DNAH17: variants seen among roughly 807,000 people sequenced by gnomAD.
DNAH17 encodes the protein axonemal beta dynein heavy chain 17.
A neutral mutation model predicts 485.6 loss-of-function variants in DNAH17; 376 were observed. The ratio of observed to expected loss-of-function variants is 0.77; its 90% confidence interval spans 0.71 to 0.84. The LOEUF is 0.84. Ranked by LOEUF, DNAH17 falls within the 40% of genes least tolerant of loss-of-function variation. The pLI is 0.00. For synonymous variants in DNAH17, 3,031 were observed against 2,405.9 expected, an observed-to-expected ratio of 1.26 and a Z score of -7.60; for missense variants, 6,370 against 5,839.3, an observed-to-expected ratio of 1.09 and a Z score of -2.96.
chr17:78,424,942 T>A (rs918299247), intron 80 of DNAH17: 9 of 163,792 alleles, frequency 5.5e-5, no homozygotes, highest in Non-Finnish European at 6.7e-5. Context: ...GGGGAGTGGG[T>A]GAGACTGGGC....
At chr17:78,498,940 G>T in intron 37 of DNAH17, 68 bp downstream of exon 37, 2 of 1,246,570 alleles carry the variant, frequency 1.6e-6, no homozygotes, top group Non-Finnish European at 2.2e-6. Context: ...TCTGGCGTGT[G>T]AGGTCACAGG....
intron 36 of DNAH17, 55 bp downstream of exon 36, chr17:78,500,250 A>T (rs773795120): frequency 1.3e-6 from 2 of 1,544,188 alleles, no homozygotes; most frequent in Middle Eastern, 1.7e-4. Flanking sequence ...GGGTGCTAGG[A>T]TCTGCTTCTA....
In DNAH17 at chr17:78,574,704, C is replaced by G. The variant is rs183559801; in HGVS notation, c.345+9G>C. On this transcript the variant is annotated intron_variant, in intron 2 of 80. Transcript: ENST00000389840. ...TCGACACCCCGGATGGCAGCCTGGA[C>G]GCACTCACCTCCTCCACCACCGCGA... 1.4e-5 allele frequency: 23 copies of G among 1,586,546 alleles called. No individual in the cohort carries two copies. The highest frequency in any genetic ancestry group is 3.7e-4 in the Middle Eastern group (2 of 5,418).
Position 78,500,495 on chromosome 17 carries a change from C to T in DNAH17, c.5484-34G>A, listed in dbSNP as rs2028735. 0.83 allele frequency: 1,262,848 copies of T among 1,524,844 alleles called. 524,503 individuals carry two copies. Among genetic ancestry groups the T allele is most frequent in the East Asian group, 0.99 (42,293 of 42,850 alleles). 94.5% of individuals were successfully genotyped at this position (1,524,844 alleles called of 1,614,324 possible). On this transcript the variant is annotated intron_variant, in intron 35 of 80. Transcript: ENST00000389840. ...GACCACAGGTAAGCGTGTGTGCCAG[C>T]GACCCCATGGCCTCCCTGCTTTTAT...
At chr17:78,438,445 G>GGAGGAGGA (rs1473139795) in intron 73 of DNAH17, among the ~76,000 whole-genome samples, 12 of 7,592 alleles carry the variant, frequency 1.6e-3, no homozygotes, top group African/African-American at 3.8e-3. Context: ...AGGAGGAGGA[G>GGAGGAGGA]GGAGGAGGGA....
At chr17:78,483,172 C>A (rs963237536) in intron 48 of DNAH17, among the ~76,000 whole-genome samples, 1 of 152,240 alleles carries the variant, frequency 6.6e-6, no homozygotes, top group Non-Finnish European at 1.5e-5. Context: ...CAGGCTCCCT[C>A]CTCAGAGTGG....
chr17:78,460,778 T>C (rs911480222), intron 58 of DNAH17, among the ~76,000 whole-genome samples: 5 of 152,124 alleles, frequency 3.3e-5, no homozygotes, highest in Non-Finnish European at 5.9e-5. Context: ...TGCAGTCTTA[T>C]TGTTTCTGGG....
Position 78,514,843 on chromosome 17 carries a change from A to G in DNAH17, c.4044T>C (p.Arg1348=). Residue 1348 remains arginine, a synonymous_variant, in exon 26 of 81, where the codon CGT becomes CGC. Coordinates refer to ENST00000389840, the MANE Select transcript of DNAH17 (RefSeq NM_173628.4). ...NTVKNVITSL[R]AVSELQNPAI... ...CAGGGTTCTGCAGCTCGCTCACGGCACGCAGGGACGTGATCACGTTTTTCA... is the reference window on the plus strand; with the variant it reads ...CAGGGTTCTGCAGCTCGCTCACGGCGCGCAGGGACGTGATCACGTTTTTCA... The G allele has an allele frequency of 6.2e-7, 1 of 1,614,008 alleles. No individual in the cohort carries two copies. Among genetic ancestry groups the G allele is most frequent in the Non-Finnish European group, 8.5e-7 (1 of 1,179,882 alleles).
At chr17:78,454,743 C>G (rs79008533) in intron 63 of DNAH17, 38 bp from the exon 64 acceptor site, 2 of 1,539,658 alleles carry the variant, frequency 1.3e-6, no homozygotes, top group Admixed American at 1.7e-5. Flanking sequence ...GGGGGTAATG[C>G]GACCTTATTA....
chr17:78,506,897 A>T lies in DNAH17; in HGVS notation c.4677-51T>A, dbSNP rs578179575. The T allele has an allele frequency of 2.5e-6, 4 of 1,607,182 alleles. No individual in the cohort carries two copies. In the South Asian group the frequency reaches 4.4e-5, roughly 18 times the overall value. Reference sequence around the variant, plus strand: ...AGGCCGGTGACCCTACTCTGTAGGGATGTCTGCCACCCACCCTGTCGGCGA... The same window carrying T: ...AGGCCGGTGACCCTACTCTGTAGGGTTGTCTGCCACCCACCCTGTCGGCGA... On this transcript the variant is annotated intron_variant, in intron 29 of 80. Transcript: ENST00000389840.
At position 78,454,514 on chromosome 17, in the gene DNAH17, G is replaced by T; in HGVS notation, c.10362C>A (p.Asn3454Lys). The change falls in exon 64 of 81, where the codon AAC (asparagine) becomes AAA (lysine). Residue 3454 changes from asparagine (N) to lysine (K), a missense_variant. By Grantham distance (94) the Asn-to-Lys change is moderately conservative. Coordinates refer to ENST00000389840, the MANE Select transcript of DNAH17 (RefSeq NM_173628.4). ...TGGCTTTCAGTTCACTCCTGTATTTGTTTTTGATCCACTTGATTCCTTGGA... is the reference window on the plus strand; with the variant it reads ...TGGCTTTCAGTTCACTCCTGTATTTTTTTTTGATCCACTTGATTCCTTGGA... Reference protein sequence around the residue: ...AQLQGIKWIKNKYRSELKAIR... With the variant: ...AQLQGIKWIKKKYRSELKAIR... The T allele has an allele frequency of 1.2e-6, 2 of 1,613,504 alleles. No individual in the cohort carries two copies.
chr17:78,540,602 GAATAGATGAATA>G (rs2091511937), intron 17 of DNAH17, among the ~76,000 whole-genome samples: 1 of 133,112 alleles, frequency 7.5e-6, no homozygotes, highest in Non-Finnish European at 1.6e-5. Flanking sequence ...GTGGGTGAAT[GAATAGATGAATA>G]GAGTGGGTAG....
chr17:78,504,998 C>T (rs567194407), intron 31 of DNAH17, among the ~76,000 whole-genome samples: 2 of 143,902 alleles, frequency 1.4e-5, no homozygotes, highest in Admixed American at 7.5e-5. Context: ...CTCTGCCTCC[C>T]GGGTTCAAGC....
intron 48 of DNAH17, among the ~76,000 whole-genome samples, chr17:78,483,212 C>T (rs1339024892): frequency 6.6e-6 from 1 of 152,252 alleles, no homozygotes; most frequent in Non-Finnish European, 1.5e-5. Context: ...AGGGAGCCAC[C>T]TCTGATGCCT....
chr17:78,460,988 G>A (rs915907358), intron 58 of DNAH17, among the ~76,000 whole-genome samples: 3 of 152,162 alleles, frequency 2.0e-5, no homozygotes, highest in African/African-American at 4.8e-5. Flanking sequence ...GTCATGAGAA[G>A]CTGCTCCAAT....
At position 78,538,115 on chromosome 17, in the gene DNAH17, G is replaced by A. The variant is rs995200457; in HGVS notation, c.2677-634C>T. Among the ~76,000 whole-genome samples the A allele has an allele frequency of 7.3e-5, 10 of 136,322 alleles. No homozygotes were observed. The East Asian group carries it at 1.3e-3, about 17-fold the overall frequency. 89.4% of individuals were successfully genotyped at this position (136,322 alleles called of 152,430 possible). On this transcript the variant is annotated intron_variant, in intron 18 of 80. Coordinates refer to ENST00000389840, the MANE Select transcript of DNAH17 (RefSeq NM_173628.4). ...AGATTGTGCCATTGCACTCCAGCCT[G>A]GGCAAGAGCAAAACTCTGTCTCCAA...
intron 14 of DNAH17, among the ~76,000 whole-genome samples, chr17:78,556,553 G>A (rs968914315): frequency 3.3e-5 from 5 of 152,160 alleles, no homozygotes; most frequent in Non-Finnish European, 7.3e-5. Flanking sequence ...ACTGTGGCTT[G>A]GGGTGGGGTC....
At chr17:78,554,075 G>T (rs915489095) in intron 14 of DNAH17, among the ~76,000 whole-genome samples, 1 of 152,138 alleles carries the variant, frequency 6.6e-6, no homozygotes, top group Non-Finnish European at 1.5e-5. Context: ...GATTACAGGT[G>T]TGAGTCATGG....
At chr17:78,498,491 A>G (rs1475324189) in intron 37 of DNAH17, among the ~76,000 whole-genome samples, 1 of 152,226 alleles carries the variant, frequency 6.6e-6, no homozygotes, top group African/African-American at 2.4e-5. Flanking sequence ...GATTTTAACA[A>G]GCATCAGTGG....
Sources: gnomAD v4.1 joint callset for allele counts (sites outside exome capture counted in the v4.1 genomes callset) on GRCh38, gnomAD v4.1.1 for gene constraint, MANE v1.5 for transcripts, NCBI Gene and HGNC (gene_info 2026-07-23, HGNC 2026-07-21) for gene names.